Variants in SLC6A11 observed in about 807,000 individuals in gnomAD.
SLC6A11 encodes solute carrier family 6 member 11.
Under a neutral mutation model 74.8 loss-of-function variants are expected in SLC6A11, and 25 were observed. The ratio of observed to expected loss-of-function variants is 0.33; its 90% CI spans 0.24 to 0.47. SLC6A11 has a LOEUF of 0.47. SLC6A11 is among the 20% of genes least tolerant of loss of function. The pLI, the probability that SLC6A11 is intolerant of heterozygous loss-of-function variation, is 1.00. For missense variants in SLC6A11, 574 were observed against 837.0 expected (o/e 0.69, Z 3.88); for synonymous variants, 330 against 330.2 (o/e 1.00, Z 0.01).
chr3:10,835,461 G>C (rs531042306), intron 4 of SLC6A11, among the ~76,000 whole-genome samples: 1 of 152,268 alleles, frequency 6.6e-6, no homozygotes, highest in African/African-American at 2.4e-5. Context: ...TTTGCCTCCT[G>C]ACCTGCAGGA....
At chr3:10,858,825 G>T (rs1694668484) in intron 5 of SLC6A11, among the ~76,000 whole-genome samples, 1 of 152,170 alleles carries the variant, frequency 6.6e-6, no homozygotes, top group Admixed American at 6.5e-5. Context: ...AGGTATTCTG[G>T]TAAGTCAAGG....
chr3:10,880,593 C>T (rs1457285126), intron 6 of SLC6A11, among the ~76,000 whole-genome samples: 1 of 152,144 alleles, frequency 6.6e-6, no homozygotes, highest in Non-Finnish European at 1.5e-5. Flanking sequence ...GGCTGAGCCT[C>T]AGGCTGAGCT....
chr3:10,921,826 G>T (rs536069056), intron 8 of SLC6A11, among the ~76,000 whole-genome samples: 25 of 151,380 alleles, frequency 1.7e-4, no homozygotes, highest in African/African-American at 5.8e-4. Flanking sequence ...AAACTGGCTT[G>T]ACTATTAGTG....
chr3:10,836,796 C>T (rs888808764), intron 4 of SLC6A11, among the ~76,000 whole-genome samples: 1 of 152,228 alleles, frequency 6.6e-6, no homozygotes, highest in African/African-American at 2.4e-5. Context: ...CTTTGGGAAG[C>T]ATTAGCCTAG....
In SLC6A11 at chr3:10,923,028, A is replaced by G. The variant is rs188302461; in HGVS notation, c.1121-2976A>G. ...GAAGTTATAAATAAGGAAAGGAGAG[A>G]TGCTAGAATGTCTTTTATTGGAATT... On this transcript the variant is annotated intron_variant, in intron 8 of 13. Transcript: ENST00000254488. 4.3e-3 allele frequency among the ~76,000 whole-genome samples: 653 copies of G among 152,234 alleles called. 4 individuals are homozygous for G. The highest frequency in any genetic ancestry group is 0.015 in the African/African-American group (621 of 41,550).
intron 4 of SLC6A11, among the ~76,000 whole-genome samples, chr3:10,828,282 C>A (rs1694242853): frequency 6.6e-6 from 1 of 152,192 alleles, no homozygotes; most frequent in Non-Finnish European, 1.5e-5. Context: ...TCAAAAAACA[C>A]ATGTTGAGCA....
chr3:10,856,614 G>A (rs370553804), intron 5 of SLC6A11, among the ~76,000 whole-genome samples: 37 of 152,296 alleles, frequency 2.4e-4, no homozygotes, highest in East Asian at 9.7e-4. Flanking sequence ...AAACTGGTGC[G>A]TTTCCCCCTG....
intron 5 of SLC6A11, among the ~76,000 whole-genome samples, chr3:10,870,280 T>G (rs898491674): frequency 2.0e-5 from 3 of 152,176 alleles, no homozygotes; most frequent in African/African-American, 4.8e-5. Flanking sequence ...CATAAATTCC[T>G]TCCTCAAGGA....
At chr3:10,913,981 C>A (rs907014543) in intron 7 of SLC6A11, among the ~76,000 whole-genome samples, 1 of 152,190 alleles carries the variant, frequency 6.6e-6, no homozygotes, top group Non-Finnish European at 1.5e-5. Flanking sequence ...GCTTGAGCCA[C>A]GGTGCCCGGC....
intron 5 of SLC6A11, among the ~76,000 whole-genome samples, chr3:10,856,666 G>A (rs1312597480): frequency 1.3e-5 from 2 of 152,166 alleles, no homozygotes; most frequent in Non-Finnish European, 2.9e-5. Flanking sequence ...CTCCCTCCTT[G>A]CCTTGGCAAA....
chr3:10,817,987 G>A (rs1039362150), intron 1 of SLC6A11, among the ~76,000 whole-genome samples: 2 of 151,624 alleles, frequency 1.3e-5, no homozygotes, highest in Admixed American at 6.6e-5. Flanking sequence ...TTTCCATACA[G>A]GAAATTGTTG....
chr3:10,865,348 A>G (rs903916690), intron 5 of SLC6A11, among the ~76,000 whole-genome samples: 13 of 152,302 alleles, frequency 8.5e-5, no homozygotes, highest in Non-Finnish European at 1.0e-4. Flanking sequence ...TGTCAGGCCC[A>G]TTTTAAACTG....
intron 5 of SLC6A11, among the ~76,000 whole-genome samples, chr3:10,869,444 G>A (rs1694803739): frequency 1.3e-5 from 2 of 152,246 alleles, no homozygotes; most frequent in Non-Finnish European, 1.5e-5. Flanking sequence ...GGAGGGCAGG[G>A]CCCTGACTTG....
rs1695808777 is a variant in SLC6A11 at position 10,940,233 on chromosome 3, C to T, written c.*1831C>T. ...TCTCGTCTCCCTGAGCTGTCTGGTT[C>T]TGCGGACCCAGGAAGGGCCAGGCTG... On this transcript the variant is annotated 3_prime_UTR_variant, in exon 14 of 14. Transcript: ENST00000254488. 1 of 152,234 alleles carries T rather than the reference C, an allele frequency of 6.6e-6. No individual in the cohort carries two copies. The highest frequency in any genetic ancestry group is 1.5e-5 in the Non-Finnish European group (1 of 68,058). The allele number at this position is 152,234 out of a possible 1,614,324, so 9.4% of individuals were successfully genotyped here. A position where few individuals can be genotyped will look rare whatever the true frequency, so the allele number is the denominator to read the frequency against.
chr3:10,868,065 T>C (rs958637547), intron 5 of SLC6A11, among the ~76,000 whole-genome samples: 3 of 152,190 alleles, frequency 2.0e-5, no homozygotes, highest in African/African-American at 7.2e-5. Context: ...GTGCTATGTG[T>C]ATATGGCCAA....
At position 10,939,105 on chromosome 3, in the gene SLC6A11, C is replaced by T. The variant is rs757784742; in HGVS notation, c.*703C>T. 2 of 152,188 alleles carry T rather than the reference C, an allele frequency of 1.3e-5. No homozygotes were observed. The highest frequency in any genetic ancestry group is 4.8e-5 in the African/African-American group (2 of 41,432). The allele number at this position is 152,188 out of a possible 1,614,324, so 9.4% of individuals were successfully genotyped here. A position where few individuals can be genotyped will look rare whatever the true frequency, so the allele number is the denominator to read the frequency against. Reference sequence around the variant, plus strand: ...GTGCCTTGCTGGCTTCCAGACCTGCCGTGGACCTTGGCTTCCTCTGAAGAC... The same window carrying T: ...GTGCCTTGCTGGCTTCCAGACCTGCTGTGGACCTTGGCTTCCTCTGAAGAC... On this transcript the variant is annotated 3_prime_UTR_variant, in exon 14 of 14. Coordinates refer to ENST00000254488, the MANE Select transcript of SLC6A11 (RefSeq NM_014229.3).
chr3:10,837,721 A>G (rs1409353112), intron 4 of SLC6A11, among the ~76,000 whole-genome samples: 1 of 152,192 alleles, frequency 6.6e-6, no homozygotes, highest in Non-Finnish European at 1.5e-5. Flanking sequence ...TCATCACTGT[A>G]GCGTGGACTG....
intron 8 of SLC6A11, among the ~76,000 whole-genome samples, chr3:10,925,657 G>A (rs947075118): frequency 1.3e-5 from 2 of 152,174 alleles, no homozygotes; most frequent in African/African-American, 2.4e-5. Flanking sequence ...AGTCAGAATC[G>A]CTGGGTAGGC....
intron 4 of SLC6A11, chr3:10,823,837 A>C (rs1694169512): frequency 5.9e-6 from 1 of 169,712 alleles, no homozygotes; most frequent in Non-Finnish European, 1.3e-5. Context: ...TAATGGATAG[A>C]GATTATAAAG....
Sources: gnomAD v4.1 joint callset for allele counts (sites outside exome capture counted in the v4.1 genomes callset) on GRCh38, gnomAD v4.1.1 for gene constraint, MANE v1.5 for transcripts, NCBI Gene and HGNC (gene_info 2026-07-23, HGNC 2026-07-21) for gene names.